CNTN3: variants seen among roughly 807,000 people sequenced by gnomAD.
The protein encoded by CNTN3 is contactin 3.
Under a neutral mutation model 119.1 loss-of-function variants are expected in CNTN3, and 60 were observed. The ratio of observed to expected loss-of-function variants is 0.50; its 90% CI spans 0.41 to 0.62. The LOEUF (loss-of-function observed/expected upper bound fraction) is 0.62. Among genes scored for constraint, CNTN3 ranks in the 20% least tolerant of loss-of-function variants. CNTN3 has a pLI of 0.00. For synonymous variants in CNTN3, 450 were observed against 438.7 expected (o/e 1.03, Z -0.32); for missense variants, 1,101 against 1,242.4 (o/e 0.89, Z 1.71).
chr3:74,266,951 G>A (rs1235658528), intron 21 of CNTN3, among the ~76,000 whole-genome samples: 1 of 152,084 alleles, frequency 6.6e-6, no homozygotes, highest in Non-Finnish European at 1.5e-5. Context: ...TGAATGCCTG[G>A]CCATGGAATC....
chr3:74,294,575 A>C (rs947245840), intron 19 of CNTN3, among the ~76,000 whole-genome samples: 14 of 152,192 alleles, frequency 9.2e-5, no homozygotes, highest in Non-Finnish European at 1.9e-4. Flanking sequence ...TTGACAACAC[A>C]AACATTTCCT....
intron 5 of CNTN3, among the ~76,000 whole-genome samples, chr3:74,412,082 G>A (rs1701447317): frequency 6.6e-6 from 1 of 152,140 alleles, no homozygotes; most frequent in Non-Finnish European, 1.5e-5. Context: ...GCTTAGTTAT[G>A]GTGTTTACTT....
At chr3:74,485,724 G>A (rs1702843774) in intron 4 of CNTN3, among the ~76,000 whole-genome samples, 1 of 140,800 alleles carries the variant, frequency 7.1e-6, no homozygotes, top group African/African-American at 2.6e-5. Flanking sequence ...CTAAAATAAA[G>A]AGAGACTAAT....
intron 1 of CNTN3, among the ~76,000 whole-genome samples, chr3:74,568,340 C>A (rs546282372): frequency 2.0e-5 from 3 of 152,194 alleles, no homozygotes; most frequent in Non-Finnish European, 4.4e-5. Context: ...CTCACTAGTT[C>A]GTCCAAGTGG....
At chr3:74,447,519 C>T (rs1271586548) in intron 4 of CNTN3, among the ~76,000 whole-genome samples, 1 of 152,140 alleles carries the variant, frequency 6.6e-6, no homozygotes, top group Non-Finnish European at 1.5e-5. Flanking sequence ...GAAAAGATGG[C>T]TCTTGTCAAT....
intron 1 of CNTN3, among the ~76,000 whole-genome samples, chr3:74,597,478 A>G (rs1290685193): frequency 6.6e-6 from 1 of 152,038 alleles, no homozygotes; most frequent in African/African-American, 2.4e-5. Context: ...AAAAGAAAAC[A>G]GCCCCAAATC....
intron 13 of CNTN3, among the ~76,000 whole-genome samples, chr3:74,317,779 T>C (rs1465797334): frequency 6.6e-6 from 1 of 152,144 alleles, no homozygotes; most frequent in Non-Finnish European, 1.5e-5. Context: ...CATTTTTTCC[T>C]TCATTTCAAC....
chr3:74,277,151 G>A lies in CNTN3; in HGVS notation c.2704+8154C>T, dbSNP rs180907310. 7.9e-5 allele frequency among the ~76,000 whole-genome samples: 12 copies of A among 152,078 alleles called. No homozygotes were observed. The East Asian group carries it at 1.7e-3, about 22-fold the overall frequency. On this transcript the variant is annotated intron_variant, in intron 20 of 22. Coordinates refer to ENST00000263665, the MANE Select transcript of CNTN3 (RefSeq NM_020872.3). ...CTGAAATGGTAATTAAAAAATTACC[G>A]ACTAAAAAAGTTCAGGAGCAGAAGG...
At chr3:74,454,842 C>A (rs1162802241) in intron 4 of CNTN3, among the ~76,000 whole-genome samples, 3 of 152,148 alleles carry the variant, frequency 2.0e-5, no homozygotes, top group African/African-American at 7.2e-5. Flanking sequence ...GGCCCCCACT[C>A]TCTTCTGGCT....
At chr3:74,589,306 A>G (rs35852582) in intron 1 of CNTN3, among the ~76,000 whole-genome samples, 27,763 of 151,026 alleles carry the variant, frequency 0.18, 4,066 homozygotes, top group African/African-American at 0.45. Flanking sequence ...GGATATGAAC[A>G]GACACTTCTC....
intron 11 of CNTN3, among the ~76,000 whole-genome samples, chr3:74,339,155 A>G (rs1402622278): frequency 1.3e-5 from 2 of 152,096 alleles, no homozygotes; most frequent in African/African-American, 4.8e-5. Context: ...GAACATGGAG[A>G]AAAAACTTAG....
At chr3:74,565,952 T>C (rs1425058642) in intron 1 of CNTN3, among the ~76,000 whole-genome samples, 1 of 152,084 alleles carries the variant, frequency 6.6e-6, no homozygotes, top group African/African-American at 2.4e-5. Context: ...AGTGAATAAG[T>C]CTCATGAGAT....
At chr3:74,537,525 C>T (rs1295201072) in intron 1 of CNTN3, among the ~76,000 whole-genome samples, 1 of 152,088 alleles carries the variant, frequency 6.6e-6, no homozygotes, top group South Asian at 2.1e-4. Flanking sequence ...CCAGTCCTAA[C>T]TGTCAATAAC....
intron 1 of CNTN3, among the ~76,000 whole-genome samples, chr3:74,550,307 G>A (rs1184365696): frequency 6.6e-6 from 1 of 152,206 alleles, no homozygotes; most frequent in East Asian, 1.9e-4. Context: ...ACAGTGGCAA[G>A]CAGTTTGGCT....
rs970326952 is a variant in CNTN3 at position 74,371,233 on chromosome 3, C to T, written c.621G>A (p.Val207=). The T allele has an allele frequency of 6.2e-7, 1 of 1,613,238 alleles. No individual in the cohort carries two copies. The highest frequency in any genetic ancestry group is 1.7e-5 in the Admixed American group (1 of 59,884). The part of the protein sequence containing the change: ...VVTSMVTNAR[V]LGSPTPLVLR... ...GCACCAAAGGAGTTGGAGAGCCCAG[C>T]ACTCGGGCATTTGTCACCATACTTG... is the stretch of plus-strand genomic sequence containing the variant. Residue 207 remains valine, a synonymous_variant, in exon 6 of 23, where the codon GTG becomes GTA. Transcript: ENST00000263665.
chr3:74,313,439 A>G (rs991721993), intron 13 of CNTN3, among the ~76,000 whole-genome samples: 1 of 152,200 alleles, frequency 6.6e-6, no homozygotes, highest in Non-Finnish European at 1.5e-5. Flanking sequence ...AGAAAATGAA[A>G]GATTAAAAAA....
At chr3:74,278,467 A>G (rs551015444) in intron 20 of CNTN3, among the ~76,000 whole-genome samples, 3 of 152,162 alleles carry the variant, frequency 2.0e-5, no homozygotes, top group Non-Finnish European at 2.9e-5. Flanking sequence ...ACTTACAGCC[A>G]ACTGATCTCC....
chr3:74,438,095 C>CAT (rs1256581808), intron 4 of CNTN3, among the ~76,000 whole-genome samples: 1 of 152,162 alleles, frequency 6.6e-6, no homozygotes, highest in Non-Finnish European at 1.5e-5. Context: ...ACAAAGAGAT[C>CAT]ATATAAAATG....
chr3:74,267,155 T>C, intron 21 of CNTN3, 111 bp downstream of exon 21: 1 of 598,366 alleles, frequency 1.7e-6, no homozygotes, highest in South Asian at 2.5e-5. Context: ...TTTGTCAAAA[T>C]TAGATTACAG....
Sources: allele counts gnomAD v4.1 joint callset (sites outside exome capture counted in the v4.1 genomes callset), GRCh38; gene constraint gnomAD v4.1.1; transcripts MANE v1.5; gene names NCBI Gene and HGNC (gene_info 2026-07-23, HGNC 2026-07-21).